SLC14A2: variants seen among roughly 807,000 people sequenced by gnomAD.
SLC14A2 encodes the protein urea transporter 2.
Under a neutral mutation model 104.6 loss-of-function variants are expected in SLC14A2, and 91 were observed. The ratio of observed to expected loss-of-function variants is 0.87; its 90% CI spans 0.73 to 1.04. The LOEUF (loss-of-function observed/expected upper bound fraction) is 1.04. Ranked by LOEUF, SLC14A2 falls within the 50% of genes least tolerant of loss-of-function variation. SLC14A2 has a pLI of 0.00. For synonymous variants in SLC14A2, 476 were observed against 466.4 expected (o/e 1.02, Z -0.27); for missense variants, 1,189 against 1,156.0 (o/e 1.03, Z -0.41).
chr18:45,397,557 G>A (rs2086048900), intron 1 of SLC14A2, among the ~76,000 whole-genome samples: 2 of 152,080 alleles, frequency 1.3e-5, no homozygotes, highest in South Asian at 4.2e-4. Flanking sequence ...ATAGATGTTG[G>A]ATATTAGACC....
chr18:45,537,048 TCCCTCC>T, intron 2 of SLC14A2, among the ~76,000 whole-genome samples: 1 of 30,866 alleles, frequency 3.2e-5, no homozygotes, highest in South Asian at 1.6e-3. Context: ...CCTCCCTCCC[TCCCTCC>T]CTCCCTCCCT....
intron 2 of SLC14A2, among the ~76,000 whole-genome samples, chr18:45,493,482 G>A (rs1158307105): frequency 2.0e-5 from 3 of 152,282 alleles, no homozygotes; most frequent in South Asian, 4.1e-4. Context: ...AATAACAACA[G>A]CATTATCTAA....
intron 1 of SLC14A2, among the ~76,000 whole-genome samples, chr18:45,411,308 A>G (rs905566597): frequency 8.5e-5 from 13 of 152,332 alleles, no homozygotes; most frequent in Admixed American, 8.5e-4. Flanking sequence ...AGAAATTGCT[A>G]ATTTAAATTA....
intron 1 of SLC14A2, among the ~76,000 whole-genome samples, chr18:45,348,008 C>T (rs2085466387): frequency 6.6e-6 from 1 of 152,208 alleles, no homozygotes; most frequent in South Asian, 2.1e-4. Context: ...CACCTCATAC[C>T]AGGTGGACAG....
At chr18:45,312,208 A>C (rs1373250661) in intron 1 of SLC14A2, among the ~76,000 whole-genome samples, 3 of 152,182 alleles carry the variant, frequency 2.0e-5, no homozygotes, top group Non-Finnish European at 4.4e-5. Context: ...ATAGCACTTA[A>C]CGTGGTGTTT....
At chr18:45,226,130 C>T (rs936238496) in intron 1 of SLC14A2, among the ~76,000 whole-genome samples, 6 of 152,182 alleles carry the variant, frequency 3.9e-5, no homozygotes, top group African/African-American at 1.4e-4. Flanking sequence ...TACCATCTCA[C>T]ACCAGTTAGA....
chr18:45,619,243 C>T (rs2045124823), intron 1 of SLC14A2, among the ~76,000 whole-genome samples: 1 of 152,240 alleles, frequency 6.6e-6, no homozygotes, highest in Non-Finnish European at 1.5e-5. Context: ...GCCCAGTCTC[C>T]CCAGGGCTGG....
intron 1 of SLC14A2, among the ~76,000 whole-genome samples, chr18:45,309,849 C>G (rs1373537980): frequency 1.3e-5 from 2 of 152,142 alleles, no homozygotes; most frequent in Non-Finnish European, 2.9e-5. Flanking sequence ...CCATGTCCCT[C>G]CTTTTGCCTC....
At chr18:45,682,008 G>T (rs2046315925) in intron 19 of SLC14A2, among the ~76,000 whole-genome samples, 1 of 152,164 alleles carries the variant, frequency 6.6e-6, no homozygotes, top group African/African-American at 2.4e-5. Context: ...GTCTAACCTG[G>T]CCAGAAACAT....
chr18:45,637,461 A>G (rs193230063), intron 6 of SLC14A2, among the ~76,000 whole-genome samples: 1 of 152,366 alleles, frequency 6.6e-6, no homozygotes, highest in African/African-American at 2.4e-5. Context: ...ACGGGGAAAC[A>G]GATAACATGC....
chr18:45,601,191 A>G (rs974136181), intron 2 of SLC14A2, among the ~76,000 whole-genome samples: 12 of 152,226 alleles, frequency 7.9e-5, no homozygotes, highest in Non-Finnish European at 4.4e-5. Flanking sequence ...CTACAGCTTC[A>G]TTCTAACTGG....
At chr18:45,668,066 C>T (rs778152042) in intron 14 of SLC14A2, 44 bp downstream of exon 14, 1 of 1,567,114 alleles carries the variant, frequency 6.4e-7, no homozygotes, top group African/African-American at 1.4e-5. Context: ...GCCAAGAAGT[C>T]ACTCCCCATG....
At chr18:45,625,891 C>G (rs763473134) in intron 3 of SLC14A2, 28 bp downstream of exon 3, 3 of 1,397,874 alleles carry the variant, frequency 2.1e-6, no homozygotes, top group Non-Finnish European at 2.8e-6. Context: ...GGAGAGGCAG[C>G]CAGACCAGGC....
chr18:45,536,081 C>T (rs979517179), intron 2 of SLC14A2, among the ~76,000 whole-genome samples: 1 of 152,140 alleles, frequency 6.6e-6, no homozygotes, highest in East Asian at 1.9e-4. Flanking sequence ...ACATTGACTT[C>T]CTTTTTCCTT....
chr18:45,604,818 G>A (rs1328502854), intron 2 of SLC14A2, among the ~76,000 whole-genome samples: 1 of 152,094 alleles, frequency 6.6e-6, no homozygotes. Context: ...TCACAGTTTT[G>A]GCATTTTGGA....
upstream of SLC14A2, among the ~76,000 whole-genome samples, chr18:45,613,237 T>TGG (rs1334548433): frequency 6.6e-6 from 1 of 152,106 alleles, no homozygotes; most frequent in Non-Finnish European, 1.5e-5. Context: ...GGTTTCACCG[T>TGG]GGTCTTGATC....
chr18:45,618,695 A>AAAAT (rs2045114456), intron 1 of SLC14A2, among the ~76,000 whole-genome samples: 2 of 150,354 alleles, frequency 1.3e-5, no homozygotes, highest in Admixed American at 1.3e-4. Context: ...AAAAAAAAAA[A>AAAAT]AAAGAAGTAG....
rs560961893 is a variant in SLC14A2, at chr18:45,533,133, T to C, written c.-35+49811T>C. On this transcript the variant is annotated intron_variant, in intron 2 of 20. Coordinates refer to the SLC14A2 transcript ENST00000586448. ...TATTGAGGATTTTTGCATCAATGTT[T>C]ATCAAGGATATTGGTCTAAAATTCT... 7.3e-5 allele frequency among the ~76,000 whole-genome samples: 11 copies of C among 151,212 alleles called. No homozygotes were observed. The South Asian group carries it at 1.3e-3, about 18-fold the overall frequency.
At chr18:45,405,878 G>A (rs891462117) in intron 1 of SLC14A2, among the ~76,000 whole-genome samples, 3 of 141,072 alleles carry the variant, frequency 2.1e-5, no homozygotes, top group South Asian at 2.3e-4. Flanking sequence ...CAGCCTGTGC[G>A]ACAGGGAGAC....
Sources: gnomAD v4.1 joint callset for allele counts (sites outside exome capture counted in the v4.1 genomes callset) on GRCh38, gnomAD v4.1.1 for gene constraint, MANE v1.5 for transcripts, NCBI Gene and HGNC (gene_info 2026-07-23, HGNC 2026-07-21) for gene names.